Variants in DCTN4 observed in about 807,000 individuals in gnomAD.
DCTN4 encodes dynactin subunit 4, also known as dynactin 4 (p62).
DCTN4 carries 23 observed loss-of-function variants against 62.7 expected under a neutral mutation model. The observed-to-expected ratio is 0.37, with a 90% CI of 0.26 to 0.52. The LOEUF is 0.52. Among genes scored for constraint, DCTN4 ranks in the 20% least tolerant of loss-of-function variants. The pLI is 0.92. For missense variants in DCTN4, 514 were observed against 580.4 expected, an observed-to-expected ratio of 0.89 and a Z score of 1.18; for synonymous variants, 199 against 202.1, an observed-to-expected ratio of 0.98 and a Z score of 0.13.
chr5:150,751,183 G>C (rs1262474837), intron 3 of DCTN4, among the ~76,000 whole-genome samples: 1 of 152,074 alleles, frequency 6.6e-6, no homozygotes, highest in Non-Finnish European at 1.5e-5. Flanking sequence ...GTACATTACA[G>C]ACAAGTACTT....
chr5:150,725,561 T>A (rs1227352499), intron 8 of DCTN4, among the ~76,000 whole-genome samples: 1 of 151,434 alleles, frequency 6.6e-6, no homozygotes, highest in Non-Finnish European at 1.5e-5. Context: ...ACTTTGCTGT[T>A]TTTTTTCTAA....
chr5:150,716,917 CA>C (rs111440383), intron 11 of DCTN4, among the ~76,000 whole-genome samples: 2,945 of 115,036 alleles, frequency 0.026, 79 homozygotes, highest in African/African-American at 0.075. Flanking sequence ...GATTCCGTCT[CA>C]AAAAAAAAAA....
intron 8 of DCTN4, among the ~76,000 whole-genome samples, chr5:150,729,705 C>A (rs978454871): frequency 6.6e-6 from 1 of 151,578 alleles, no homozygotes; most frequent in Admixed American, 6.6e-5. Flanking sequence ...ACTACAGTCT[C>A]AAACTCCTCA....
intron 8 of DCTN4, among the ~76,000 whole-genome samples, chr5:150,723,397 A>T (rs559014526): frequency 6.6e-6 from 1 of 152,376 alleles, no homozygotes; most frequent in South Asian, 2.1e-4. Context: ...CCAACTTCAC[A>T]GAGCCAATAA....
chr5:150,730,628 T>TA lies in DCTN4; in HGVS notation c.834+2dup. On this transcript the variant is annotated splice_region_variant and intron_variant, in intron 8 of 12. Transcript: ENST00000447998. ...TGGTCAGTCTACAGAATGGAATACT[T>TA]ACACGGCAGCGCAGGGACCGTTTGA... is the stretch of plus-strand genomic sequence containing the variant. 2.5e-6 allele frequency: 4 copies of TA among 1,613,150 alleles called. No homozygotes were observed. The highest frequency in any genetic ancestry group is 3.4e-6 in the Non-Finnish European group (4 of 1,179,298).
At chr5:150,733,603 T>C in intron 4 of DCTN4, 128 bp from the exon 5 acceptor site, 1 of 580,370 alleles carries the variant, frequency 1.7e-6, no homozygotes, top group Non-Finnish European at 2.9e-6. Flanking sequence ...GTTTGCCCTT[T>C]TTCTTCTAAG....
chr5:150,736,856 C>A (rs1215580658), intron 4 of DCTN4, among the ~76,000 whole-genome samples: 9 of 152,162 alleles, frequency 5.9e-5, no homozygotes, highest in Admixed American at 5.9e-4. Flanking sequence ...CAAGTATCTG[C>A]CGTCTTCAAG....
At chr5:150,748,652 T>C (rs1279207464) in intron 3 of DCTN4, among the ~76,000 whole-genome samples, 6 of 151,156 alleles carry the variant, frequency 4.0e-5, no homozygotes, top group Non-Finnish European at 8.8e-5. Flanking sequence ...ATGGATGATA[T>C]TGGAAATCAT....
intron 4 of DCTN4, among the ~76,000 whole-genome samples, chr5:150,739,593 T>C (rs1467579967): frequency 6.6e-6 from 1 of 152,078 alleles, no homozygotes; most frequent in African/African-American, 2.4e-5. Flanking sequence ...AAAATTCACA[T>C]GGAACCAAAA....
chr5:150,722,856 A>G (rs752215666), intron 9 of DCTN4, 51 bp downstream of exon 9: 1 of 1,470,270 alleles, frequency 6.8e-7, no homozygotes, highest in Non-Finnish European at 9.4e-7. Context: ...AGAAGAATAA[A>G]CCAAAATAAC....
intron 4 of DCTN4, chr5:150,733,799 C>T (rs1028542524): frequency 2.9e-5 from 6 of 205,000 alleles, no homozygotes; most frequent in Admixed American, 5.4e-5. Flanking sequence ...TTTCTAAGAA[C>T]ATAGCATTTT....
chr5:150,711,263 A>T lies in DCTN4; in HGVS notation c.1269T>A (p.His423Gln), dbSNP rs201395575. ...TGGGGGCTGCCAGGTTTTTAAAATC[A>T]TGCTTCATCTTGAAGCACACGGTCA... ...GEVTVCFKMK[H>Q]DFKNLAAPIR... Residue 423 changes from histidine (H) to glutamine (Q), a missense_variant, in exon 13 of 13, where the codon CAT (histidine) becomes CAA (glutamine). Transcript: ENST00000447998. 7.9e-5 allele frequency: 127 copies of T among 1,613,290 alleles called. No homozygotes were observed. The highest frequency in any genetic ancestry group is 1.0e-4 in the Non-Finnish European group (119 of 1,180,040).
At chr5:150,727,000 C>A (rs1432824237) in intron 8 of DCTN4, among the ~76,000 whole-genome samples, 3 of 152,130 alleles carry the variant, frequency 2.0e-5, no homozygotes, top group Non-Finnish European at 4.4e-5. Context: ...TGACCTGAAG[C>A]ACAAACCCCA....
chr5:150,717,530 G>T (rs1310174173), intron 11 of DCTN4, among the ~76,000 whole-genome samples: 1 of 152,178 alleles, frequency 6.6e-6, no homozygotes, highest in African/African-American at 2.4e-5. Flanking sequence ...TTACAGGCGT[G>T]AGCCACCAAG....
rs1561699156 is a variant in DCTN4 at position 150,733,397 on chromosome 5, G to A, written c.508C>T (p.Arg170Cys). Residue 170 changes from arginine to cysteine, a missense_variant, in exon 5 of 13, where the codon CGT becomes TGT. Physicochemically the swap from Arg to Cys is radical, Grantham distance 180 (BLOSUM62 -3). Transcript: ENST00000447998. ...VERDRKKLAR[R>C]RNYMPLAFSD... ...AAAGCCAGAGGCATATAGTTTCTAC[G>A]TCGTGCCAGTTTCTTGCGATCTCGC... The A allele has an allele frequency of 6.2e-6, 10 of 1,613,888 alleles. No homozygotes were observed. Among genetic ancestry groups the A allele is most frequent in the South Asian group, 2.2e-5 (2 of 91,058 alleles).
chr5:150,722,577 A>T (rs1759992612), intron 9 of DCTN4, among the ~76,000 whole-genome samples: 1 of 152,174 alleles, frequency 6.6e-6, no homozygotes, highest in South Asian at 2.1e-4. Context: ...CATTATTTTT[A>T]AATTTTTTTT....
intron 8 of DCTN4, among the ~76,000 whole-genome samples, chr5:150,727,731 G>A (rs1466343839): frequency 4.4e-5 from 6 of 135,844 alleles, no homozygotes; most frequent in African/African-American, 1.1e-4. Flanking sequence ...AGCCGAGATC[G>A]CGCCACTGCA....
In DCTN4 at chr5:150,756,039, CTT is replaced by C. The variant is rs777641858; in HGVS notation, c.206+376_206+377del. On this transcript the variant is annotated intron_variant, in intron 2 of 12. Coordinates refer to ENST00000447998, the MANE Select transcript of DCTN4 (RefSeq NM_016221.4). ...GGTTAAAAAAGTTAATTTCATGTGT[CTT>C]TTTTTTTTTTTTTTTTTTGAGACAA... Among the ~76,000 whole-genome samples, 106 of 124,966 alleles carry C rather than the reference CTT, an allele frequency of 8.5e-4. 1 individual carries two copies. The highest frequency in any genetic ancestry group is 2.6e-3 in the African/African-American group (86 of 33,572). 82.0% of individuals were successfully genotyped at this position (124,966 alleles called of 152,430 possible).
At position 150,739,820 on chromosome 5, in the gene DCTN4, A is replaced by C. The variant is rs1232761971; in HGVS notation, c.429+2294T>G. Among the ~76,000 whole-genome samples the C allele has an allele frequency of 3.3e-5, 5 of 152,200 alleles. No homozygotes were observed. In the East Asian group the frequency reaches 9.6e-4, roughly 29 times the overall value. ...TTTGACAAAGCAAACAAAAACATAA[A>C]CTGGGGAAAGGACATCCTATTCAAT... On this transcript the variant is annotated intron_variant, in intron 4 of 12. Transcript: ENST00000447998.
Sources: gnomAD v4.1 joint callset for allele counts (sites outside exome capture counted in the v4.1 genomes callset) on GRCh38, gnomAD v4.1.1 for gene constraint, MANE v1.5 for transcripts, NCBI Gene and HGNC (gene_info 2026-07-23, HGNC 2026-07-21) for gene names.